SAMD12: variants seen among roughly 807,000 people sequenced by gnomAD.
The protein encoded by SAMD12 is sterile alpha motif domain-containing protein 12.
In SAMD12, 9 loss-of-function variants were observed where a neutral mutation model predicts 15.0. The ratio of observed to expected loss-of-function variants is 0.60; its 90% CI spans 0.36 to 1.05. The LOEUF is 1.05. Ranked by LOEUF, SAMD12 falls within the 50% of genes least tolerant of loss-of-function variation. The pLI, the probability that SAMD12 is intolerant of heterozygous loss-of-function variation, is 0.01. For synonymous variants in SAMD12, 86 were observed against 90.1 expected (o/e 0.96, Z 0.25); for missense variants, 230 against 234.2 (o/e 0.98, Z 0.12).
Position 118,379,291 on chromosome 8 carries a change from C to T in SAMD12, c.*126G>A, listed in dbSNP as rs148708189. On this transcript the variant is annotated 3_prime_UTR_variant, in exon 4 of 4. Transcript: ENST00000314727. ...GTATTCTCTGGGGTTGTGCAGTACACAATCCATACAACTGTACGTGACCAC... is the reference window on the plus strand; with the variant it reads ...GTATTCTCTGGGGTTGTGCAGTACATAATCCATACAACTGTACGTGACCAC... 2.1e-6 allele frequency: 3 copies of T among 1,462,162 alleles called. No homozygotes were observed. The highest frequency in any genetic ancestry group is 1.4e-5 in the South Asian group (1 of 70,690). The allele number at this position is 1,462,162 out of a possible 1,614,324, so 90.6% of individuals were successfully genotyped here. A position where few individuals can be genotyped will look rare whatever the true frequency, so the allele number is the denominator to read the frequency against.
intron 2 of SAMD12, among the ~76,000 whole-genome samples, chr8:118,549,110 A>G (rs1188964887): frequency 6.6e-6 from 1 of 152,238 alleles, no homozygotes; most frequent in Non-Finnish European, 1.5e-5. Flanking sequence ...GGCACAGACA[A>G]ACAAAAAGAC....
chr8:118,136,833 A>G, the SAMD12 span, among the ~76,000 whole-genome samples: 1 of 152,198 alleles, frequency 6.6e-6, no homozygotes, highest in East Asian at 1.9e-4. Flanking sequence ...AGGGTAATCA[A>G]TCCGCAAGGA....
intron 1 of SAMD12, among the ~76,000 whole-genome samples, chr8:118,599,721 T>C (rs1453370014): frequency 6.6e-6 from 1 of 152,182 alleles, no homozygotes; most frequent in Admixed American, 6.5e-5. Context: ...CCTGATCACA[T>C]GACCTGGGCA....
chr8:118,567,947 C>T (rs906307003), intron 2 of SAMD12, among the ~76,000 whole-genome samples: 4 of 152,168 alleles, frequency 2.6e-5, no homozygotes, highest in African/African-American at 9.7e-5. Flanking sequence ...TAGTTGAGTC[C>T]TTCCATGTAT....
chr8:118,554,443 A>G (rs887195206), intron 2 of SAMD12, among the ~76,000 whole-genome samples: 77 of 151,256 alleles, frequency 5.1e-4, no homozygotes, highest in African/African-American at 1.8e-3. Flanking sequence ...ACAAAAAACC[A>G]AACACCGCAT....
the SAMD12 span, among the ~76,000 whole-genome samples, chr8:118,136,143 C>T: frequency 7.9e-5 from 12 of 152,280 alleles, no homozygotes; most frequent in Non-Finnish European, 1.0e-4. Flanking sequence ...AATTCTCCTG[C>T]CTCAGCCTCC....
At chr8:118,498,842 C>T (rs1405337033) in intron 2 of SAMD12, among the ~76,000 whole-genome samples, 1 of 152,142 alleles carries the variant, frequency 6.6e-6, no homozygotes, top group African/African-American at 2.4e-5. Flanking sequence ...GGTAGATAGA[C>T]CTAGAGGACA....
intron 4 of SAMD12, among the ~76,000 whole-genome samples, chr8:118,312,212 T>C (rs1053215103): frequency 3.2e-4 from 49 of 152,230 alleles, no homozygotes; most frequent in African/African-American, 1.2e-3. Flanking sequence ...CTTTAGCAAT[T>C]GCTACTTTTA....
At chr8:118,420,858 T>C (rs1821964311) in intron 3 of SAMD12, among the ~76,000 whole-genome samples, 1 of 152,110 alleles carries the variant, frequency 6.6e-6, no homozygotes, top group African/African-American at 2.4e-5. Flanking sequence ...AGAATAGGGG[T>C]TGGCAAACTA....
At chr8:118,541,834 CTT>C (rs1315659994) in intron 2 of SAMD12, among the ~76,000 whole-genome samples, 1 of 152,134 alleles carries the variant, frequency 6.6e-6, no homozygotes, top group Non-Finnish European at 1.5e-5. Flanking sequence ...CTCATGTTGA[CTT>C]TGAGTATTTT....
At chr8:118,312,412 C>T (rs1231183749) in intron 4 of SAMD12, among the ~76,000 whole-genome samples, 1 of 152,200 alleles carries the variant, frequency 6.6e-6, no homozygotes, top group Non-Finnish European at 1.5e-5. Context: ...CTCCATGCCT[C>T]TGATCTTCAC....
chr8:118,411,468 T>C (rs991118486), intron 3 of SAMD12, among the ~76,000 whole-genome samples: 3 of 152,272 alleles, frequency 2.0e-5, no homozygotes, highest in East Asian at 1.9e-4. Context: ...TAAGGGAGTA[T>C]GTCATTGATC....
intron 2 of SAMD12, among the ~76,000 whole-genome samples, chr8:118,520,716 CA>C (rs1018140630): frequency 2.0e-5 from 3 of 152,172 alleles, no homozygotes; most frequent in African/African-American, 4.8e-5. Flanking sequence ...TACAGACAAT[CA>C]CTTACATTTT....
At chr8:118,614,112 T>C (rs944847593) in intron 1 of SAMD12, among the ~76,000 whole-genome samples, 1 of 152,108 alleles carries the variant, frequency 6.6e-6, no homozygotes, top group African/African-American at 2.4e-5. Context: ...GACTGTAATA[T>C]CATGGGGCTA....
chr8:118,185,963 G>A (rs1819236504), downstream of SAMD12, among the ~76,000 whole-genome samples: 1 of 152,172 alleles, frequency 6.6e-6, no homozygotes, highest in Non-Finnish European at 1.5e-5. Flanking sequence ...ACATTGCCAT[G>A]AAGCACTGGT....
chr8:118,154,936 C>T, the SAMD12 span, among the ~76,000 whole-genome samples: 2 of 152,108 alleles, frequency 1.3e-5, no homozygotes, highest in Non-Finnish European at 2.9e-5. Flanking sequence ...ATGGATGGAG[C>T]AAACAGGCAT....
the SAMD12 span, among the ~76,000 whole-genome samples, chr8:118,156,835 C>G: frequency 6.6e-6 from 1 of 152,142 alleles, no homozygotes; most frequent in African/African-American, 2.4e-5. Context: ...GGAGCAAAGA[C>G]TCAAACAGCC....
chr8:118,561,526 T>C (rs1370494299), intron 2 of SAMD12, among the ~76,000 whole-genome samples: 1 of 152,130 alleles, frequency 6.6e-6, no homozygotes, highest in African/African-American at 2.4e-5. Flanking sequence ...AAACTTACAA[T>C]CATGGTGGAA....
At chr8:118,529,892 C>T (rs1029537770) in intron 2 of SAMD12, among the ~76,000 whole-genome samples, 6 of 152,180 alleles carry the variant, frequency 3.9e-5, no homozygotes, top group Non-Finnish European at 8.8e-5. Flanking sequence ...GGGTAGATAC[C>T]TAGCAGTAGG....
Sources: gnomAD v4.1 joint callset for allele counts (sites outside exome capture counted in the v4.1 genomes callset) on GRCh38, gnomAD v4.1.1 for gene constraint, MANE v1.5 for transcripts, NCBI Gene and HGNC (gene_info 2026-07-23, HGNC 2026-07-21) for gene names.